SEMA3E: variants seen among roughly 807,000 people sequenced by gnomAD.
SEMA3E encodes the protein semaphorin-3E.
A neutral mutation model predicts 93.6 loss-of-function variants in SEMA3E; 49 were observed. The ratio of observed to expected loss-of-function variants is 0.52; its 90% CI spans 0.42 to 0.66. The LOEUF (loss-of-function observed/expected upper bound fraction) is 0.66, where lower values mean the gene tolerates loss of function less well. Ranked by LOEUF, SEMA3E falls within the 30% of genes least tolerant of loss-of-function variation. The pLI is 0.00. For synonymous variants in SEMA3E, 363 were observed against 330.7 expected (o/e 1.10, Z -1.06); for missense variants, 906 against 964.8 (o/e 0.94, Z 0.81).
At chr7:83,482,474 A>C (rs1314359142) in intron 2 of SEMA3E, among the ~76,000 whole-genome samples, 2 of 150,706 alleles carry the variant, frequency 1.3e-5, no homozygotes, top group Non-Finnish European at 2.9e-5. Flanking sequence ...CTGAGGCAGA[A>C]GAATGGCGTG....
rs190806189 is a variant in SEMA3E at position 83,461,796 on chromosome 7, T to C, written c.456+4686A>G. 7.6e-3 allele frequency among the ~76,000 whole-genome samples: 1,159 copies of C among 152,186 alleles called. 17 individuals are homozygous for C. Among genetic ancestry groups the C allele is most frequent in the African/African-American group, 0.027 (1,118 of 41,536 alleles). ...TTTAATTAACCTCGCCTTCAAGGTG[T>C]ACAATAGAAAAAAGTTACAATTCCT... On this transcript the variant is annotated intron_variant, in intron 4 of 16. Transcript: ENST00000643230.
chr7:83,471,124 C>A (rs1354213702), intron 2 of SEMA3E, among the ~76,000 whole-genome samples: 2 of 151,894 alleles, frequency 1.3e-5, no homozygotes, highest in African/African-American at 4.8e-5. Flanking sequence ...GGCTAATTAG[C>A]ATAAGATGCT....
chr7:83,413,030 A>G (rs1341411050), intron 5 of SEMA3E, among the ~76,000 whole-genome samples: 1 of 152,164 alleles, frequency 6.6e-6, no homozygotes, highest in Non-Finnish European at 1.5e-5. Flanking sequence ...TATGTGAAAG[A>G]AAATAAGACA....
intron 5 of SEMA3E, among the ~76,000 whole-genome samples, chr7:83,409,249 G>T (rs943205517): frequency 6.6e-6 from 1 of 152,106 alleles, no homozygotes; most frequent in Non-Finnish European, 1.5e-5. Context: ...AATAACTTAA[G>T]GGAGAGTATA....
At chr7:83,404,960 C>T (rs916783720) in intron 9 of SEMA3E, among the ~76,000 whole-genome samples, 8 of 151,908 alleles carry the variant, frequency 5.3e-5, no homozygotes, top group Non-Finnish European at 8.8e-5. Flanking sequence ...TGATTGGCAT[C>T]TGTCAAGGCA....
At chr7:83,583,661 T>C (rs547631411) in intron 1 of SEMA3E, among the ~76,000 whole-genome samples, 71 of 152,300 alleles carry the variant, frequency 4.7e-4, no homozygotes, top group Non-Finnish European at 8.5e-4. Flanking sequence ...GGTTAGATGT[T>C]GACATGTGAC....
At chr7:83,481,192 G>A (rs1202043451) in intron 2 of SEMA3E, among the ~76,000 whole-genome samples, 1 of 152,018 alleles carries the variant, frequency 6.6e-6, no homozygotes, top group African/African-American at 2.4e-5. Flanking sequence ...AGCGAAAAAT[G>A]TCTACGAGGA....
At chr7:83,409,602 G>T (rs955892609) in intron 5 of SEMA3E, among the ~76,000 whole-genome samples, 1 of 151,920 alleles carries the variant, frequency 6.6e-6, no homozygotes, top group African/African-American at 2.4e-5. Context: ...TATTTAAAAT[G>T]CTTTAAAGGT....
At chr7:83,498,164 T>C (rs1038072373) in intron 1 of SEMA3E, among the ~76,000 whole-genome samples, 5 of 152,144 alleles carry the variant, frequency 3.3e-5, no homozygotes, top group African/African-American at 1.2e-4. Flanking sequence ...AAATATGTGT[T>C]ACTCAACTGT....
At chr7:83,390,969 A>G (rs1281183440) in intron 14 of SEMA3E, among the ~76,000 whole-genome samples, 1 of 152,170 alleles carries the variant, frequency 6.6e-6, no homozygotes, top group Non-Finnish European at 1.5e-5. Flanking sequence ...GCCTAACACA[A>G]AACCCTGTCA....
At chr7:83,542,700 G>T (rs1367386165) in intron 1 of SEMA3E, among the ~76,000 whole-genome samples, 1 of 152,106 alleles carries the variant, frequency 6.6e-6, no homozygotes. Flanking sequence ...AACACAGATT[G>T]TGTTCTTCCC....
Position 83,387,078 on chromosome 7 carries a change from T to C in SEMA3E, c.1668-28A>G, listed in dbSNP as rs1261265801. The C allele has an allele frequency of 2.5e-6, 4 of 1,602,806 alleles. No individual in the cohort carries two copies. The South Asian group carries it at 4.4e-5, about 18-fold the overall frequency. On this transcript the variant is annotated intron_variant, in intron 14 of 16. Transcript: ENST00000643230. ...GAAAGAAAGTAAATGCATTTAGATG[T>C]TCATTTTTTCAATTTTCCAGACTTT... is the stretch of plus-strand genomic sequence containing the variant.
intron 4 of SEMA3E, among the ~76,000 whole-genome samples, chr7:83,423,592 C>T (rs1255508266): frequency 2.0e-5 from 3 of 151,476 alleles, no homozygotes; most frequent in Non-Finnish European, 2.9e-5. Context: ...CAAGCTCTGC[C>T]TCCCGGGTTC....
At position 83,441,136 on chromosome 7, in the gene SEMA3E, G is replaced by A. The variant is rs1408477503; in HGVS notation, c.457-22653C>T. On this transcript the variant is annotated intron_variant, in intron 4 of 16. Coordinates refer to ENST00000643230, the MANE Select transcript of SEMA3E (RefSeq NM_012431.3). ...GTCAAAGATAATGATAGTCCTGGCA[G>A]GAGGAATAGAAAAAGAAATGGATTA... Among the ~76,000 whole-genome samples the A allele has an allele frequency of 5.9e-5, 9 of 152,148 alleles. 1 individual carries two copies. Among genetic ancestry groups the A allele is most frequent in the Non-Finnish European group, 7.4e-5 (5 of 68,022 alleles).
chr7:83,502,555 CT>C (rs1562809425), intron 1 of SEMA3E, among the ~76,000 whole-genome samples: 1 of 151,976 alleles, frequency 6.6e-6, no homozygotes, highest in Non-Finnish European at 1.5e-5. Flanking sequence ...TTCACTCTGT[CT>C]TCCCAGTCTT....
chr7:83,522,491 AAGC>A lies in SEMA3E; in HGVS notation c.116-32220_116-32218del, dbSNP rs529162359. ...TAAAGTTCACTGTAGGATCAGGCTG[AAGC>A]TACCCTCTAGGGGATTTTGCCTGAG... On this transcript the variant is annotated intron_variant, in intron 1 of 16. Transcript: ENST00000643230. Among the ~76,000 whole-genome samples, 10 of 152,160 alleles carry A rather than the reference AAGC, an allele frequency of 6.6e-5. 1 individual carries two copies. The South Asian group carries it at 1.9e-3, about 28-fold the overall frequency.
At chr7:83,545,891 G>T (rs1639308) in intron 1 of SEMA3E, among the ~76,000 whole-genome samples, 48,757 of 145,428 alleles carry the variant, frequency 0.34, 9,927 homozygotes, top group African/African-American at 0.57. Context: ...TATCATATAT[G>T]ATAAAAATAT....
At chr7:83,454,355 AC>A (rs1213155957) in intron 4 of SEMA3E, among the ~76,000 whole-genome samples, 1 of 150,258 alleles carries the variant, frequency 6.7e-6, no homozygotes, top group Non-Finnish European at 1.5e-5. Flanking sequence ...CTTTAAAATA[AC>A]AGATTTGGAA....
chr7:83,573,924 C>G (rs1439589970), intron 1 of SEMA3E, among the ~76,000 whole-genome samples: 1 of 151,700 alleles, frequency 6.6e-6, no homozygotes, highest in Non-Finnish European at 1.5e-5. Flanking sequence ...TAATTTATTA[C>G]TAGCTACTGA....
Sources: gnomAD v4.1 joint callset for allele counts (sites outside exome capture counted in the v4.1 genomes callset) on GRCh38, gnomAD v4.1.1 for gene constraint, MANE v1.5 for transcripts, NCBI Gene and HGNC (gene_info 2026-07-23, HGNC 2026-07-21) for gene names.